Variants in TLE4 observed in about 807,000 individuals in gnomAD.
TLE4 encodes transducin-like enhancer protein 4.
A neutral mutation model predicts 92.8 loss-of-function variants in TLE4; 8 were observed. The ratio of observed to expected loss-of-function variants is 0.09; its 90% CI spans 0.05 to 0.16. The LOEUF (loss-of-function observed/expected upper bound fraction) is 0.16. Among genes scored for constraint, TLE4 ranks in the 10% least tolerant of loss-of-function variants. The pLI, the probability that TLE4 is intolerant of heterozygous loss-of-function variation, is 1.00. For missense variants in TLE4, 675 were observed against 997.6 expected (o/e 0.68, Z 4.36); for synonymous variants, 371 against 374.1 (o/e 0.99, Z 0.10).
At chr9:79,724,290 C>G (rs7035510) in intron 19 of TLE4, among the ~76,000 whole-genome samples, 15,889 of 151,848 alleles carry the variant, frequency 0.1, 935 homozygotes, top group African/African-American at 0.14. Context: ...TGTAAGGAAA[C>G]TGAGGTGCAG....
chr9:79,614,079 C>T (rs1228255696), intron 5 of TLE4, among the ~76,000 whole-genome samples: 1 of 152,072 alleles, frequency 6.6e-6, no homozygotes, highest in African/African-American at 2.4e-5. Flanking sequence ...AGGGGTGTAT[C>T]TGCATTTCTT....
rs1302792774 is a variant in TLE4, at chr9:79,720,379, T to TGG, written c.1838+87_1838+88insGG. The TGG allele has an allele frequency of 5.1e-5, 17 of 336,084 alleles. No homozygotes were observed. In the African/African-American group the frequency reaches 1.2e-3, roughly 24 times the overall value. The allele number at this position is 336,084 out of a possible 1,614,324, so 20.8% of individuals were successfully genotyped here. A position where few individuals can be genotyped will look rare whatever the true frequency, so the allele number is the denominator to read the frequency against. On this transcript the variant is annotated intron_variant, in intron 16 of 19. Coordinates refer to ENST00000376552, the MANE Select transcript of TLE4 (RefSeq NM_007005.6). ...AAAGTGCTGTGTATATAGGTATGGG[T>TGG]GTGTGTGTGTGTGTGTGTGTGTGTG...
intron 8 of TLE4, among the ~76,000 whole-genome samples, chr9:79,695,873 G>A (rs966617624): frequency 5.9e-5 from 9 of 152,230 alleles, no homozygotes; most frequent in African/African-American, 1.9e-4. Flanking sequence ...GGATGAAAAC[G>A]TTTGGGTTGT....
intron 8 of TLE4, among the ~76,000 whole-genome samples, chr9:79,657,973 G>A (rs1032164119): frequency 4.6e-5 from 7 of 152,100 alleles, no homozygotes; most frequent in South Asian, 2.1e-4. Flanking sequence ...CATCTATGAG[G>A]GATTTGCCTT....
At chr9:79,616,652 T>C (rs1476584743) in intron 5 of TLE4, among the ~76,000 whole-genome samples, 1 of 152,220 alleles carries the variant, frequency 6.6e-6, no homozygotes, top group Non-Finnish European at 1.5e-5. Flanking sequence ...TTTTGGGATA[T>C]GGCTTATAGA....
rs187748773 is a variant in TLE4 at position 79,615,968 on chromosome 9, A to G, written c.315+3250A>G. Among the ~76,000 whole-genome samples the G allele has an allele frequency of 1.6e-4, 24 of 152,314 alleles. No homozygotes were observed. In the East Asian group the frequency reaches 4.2e-3, roughly 27 times the overall value. ...CATAGAATTTCACAGGATTCTCAATATCAGAATTTAGAAAAACCTTGTGAA... is the reference window on the plus strand; with the variant it reads ...CATAGAATTTCACAGGATTCTCAATGTCAGAATTTAGAAAAACCTTGTGAA... On this transcript the variant is annotated intron_variant, in intron 5 of 19. Coordinates refer to ENST00000376552, the MANE Select transcript of TLE4 (RefSeq NM_007005.6).
Position 79,709,690 on chromosome 9 carries a change from G to A in TLE4, c.1331G>A (p.Gly444Glu). The A allele has an allele frequency of 6.2e-7, 1 of 1,614,018 alleles. No homozygotes were observed. The highest frequency in any genetic ancestry group is 8.5e-7 in the Non-Finnish European group (1 of 1,179,988). ...CCTCCAAACCTGACAGGCATTCCAGGAGGAAAACCGTGAGTACCTTTTTGC... is the reference window on the plus strand; with the variant it reads ...CCTCCAAACCTGACAGGCATTCCAGAAGGAAAACCGTGAGTACCTTTTTGC... ...AIPPNLTGIP[G>E]GKPAYSFHVS... Residue 444 changes from glycine to glutamate, a missense_variant, in exon 14 of 20, where the codon GGA becomes GAA. Transcript: ENST00000376552.
At position 79,576,189 on chromosome 9, in the gene TLE4, C is replaced by A. The variant is rs1352648481; in HGVS notation, c.252+12C>A. 1.3e-6 allele frequency: 2 copies of A among 1,520,262 alleles called. No individual in the cohort carries two copies. Among genetic ancestry groups the A allele is most frequent in the East Asian group, 2.4e-5 (1 of 42,370 alleles). 94.2% of individuals were successfully genotyped at this position (1,520,262 alleles called of 1,614,324 possible). A position where few individuals can be genotyped will look rare whatever the true frequency, so the allele number is the denominator to read the frequency against. ...AAATGCACAAGCAGGTAAGTTATTTCTTTATAACCATTTTAAATGACAGTA... is the reference window on the plus strand; with the variant it reads ...AAATGCACAAGCAGGTAAGTTATTTATTTATAACCATTTTAAATGACAGTA... On this transcript the variant is annotated intron_variant, in intron 4 of 19. Transcript: ENST00000376552.
intron 8 of TLE4, among the ~76,000 whole-genome samples, chr9:79,690,093 C>T (rs1233866234): frequency 6.6e-6 from 1 of 152,080 alleles, no homozygotes; most frequent in East Asian, 1.9e-4. Context: ...GATTTTAAGA[C>T]TCCTTTTGGG....
At chr9:79,699,423 T>G (rs927535071) in intron 8 of TLE4, among the ~76,000 whole-genome samples, 5 of 152,296 alleles carry the variant, frequency 3.3e-5, no homozygotes, top group African/African-American at 1.2e-4. Context: ...GTAACTATAA[T>G]TTATCGTCTA....
intron 2 of TLE4, 60 bp from the exon 3 acceptor site, chr9:79,574,813 T>C (rs2037195622): frequency 7.2e-7 from 1 of 1,397,600 alleles, no homozygotes; most frequent in Non-Finnish European, 1.0e-6. Flanking sequence ...AATATGCGTT[T>C]AAGAGTTGAA....
intron 17 of TLE4, 60 bp downstream of exon 17, chr9:79,721,948 C>T (rs903954894): frequency 1.3e-6 from 2 of 1,566,018 alleles, no homozygotes; most frequent in African/African-American, 2.7e-5. Context: ...GGGCGGATCA[C>T]CAGGTCAGGG....
intron 4 of TLE4, among the ~76,000 whole-genome samples, chr9:79,592,212 CTTCCTCT>C (rs1564203691): frequency 1.9e-4 from 24 of 128,942 alleles, no homozygotes; most frequent in Admixed American, 7.6e-4. Context: ...TCTTCTTCTT[CTTCCTCT>C]TCTTCTTCTT....
intron 4 of TLE4, among the ~76,000 whole-genome samples, chr9:79,597,945 C>T (rs2044441812): frequency 6.6e-6 from 1 of 151,984 alleles, no homozygotes; most frequent in African/African-American, 2.4e-5. Context: ...TTTAAAAGGA[C>T]TCACTGGCCT....
chr9:79,590,109 C>T (rs1352412810), intron 4 of TLE4, among the ~76,000 whole-genome samples: 2 of 152,066 alleles, frequency 1.3e-5, no homozygotes, highest in African/African-American at 2.4e-5. Flanking sequence ...TTTGATTTTG[C>T]GGGGGACAGA....
intron 5 of TLE4, among the ~76,000 whole-genome samples, chr9:79,626,368 C>G (rs1337970061): frequency 6.6e-6 from 1 of 152,134 alleles, no homozygotes; most frequent in Non-Finnish European, 1.5e-5. Context: ...CTGAGATTAA[C>G]CAAAATAAGA....
chr9:79,588,475 A>G (rs2041766965), intron 4 of TLE4, among the ~76,000 whole-genome samples: 1 of 152,166 alleles, frequency 6.6e-6, no homozygotes, highest in Non-Finnish European at 1.5e-5. Context: ...ATGAAAAAAC[A>G]AATCGTCTGC....
chr9:79,707,290 G>A (rs1223382927), intron 11 of TLE4: 3 of 1,249,566 alleles, frequency 2.4e-6, no homozygotes, highest in Non-Finnish European at 3.5e-6. Flanking sequence ...ACATATGACG[G>A]CAATAATTTT....
At chr9:79,609,458 A>G (rs1025456577) in intron 4 of TLE4, among the ~76,000 whole-genome samples, 3 of 152,126 alleles carry the variant, frequency 2.0e-5, no homozygotes, top group South Asian at 2.1e-4. Context: ...AAGGTGGGTA[A>G]TTTTGAGAGA....
Sources: allele counts gnomAD v4.1 joint callset (sites outside exome capture counted in the v4.1 genomes callset), GRCh38; gene constraint gnomAD v4.1.1; transcripts MANE v1.5; gene names NCBI Gene and HGNC (gene_info 2026-07-23, HGNC 2026-07-21).